The following P3H3 variants were observed in gnomAD, a reference collection of about 807,000 sequenced individuals.
P3H3 encodes prolyl 3-hydroxylase 3.
Under a neutral mutation model 78.1 loss-of-function variants are expected in P3H3, and 64 were observed. The observed-to-expected ratio is 0.82, with a 90% CI of 0.67 to 1.01. The LOEUF (loss-of-function observed/expected upper bound fraction) is 1.01, where lower values mean the gene tolerates loss of function less well. Among genes scored for constraint, P3H3 ranks in the 50% least tolerant of loss-of-function variants. The pLI, the probability that P3H3 is intolerant of heterozygous loss-of-function variation, is 0.00. For missense variants in P3H3, 975 were observed against 982.2 expected (o/e 0.99, Z 0.10); for synonymous variants, 425 against 416.7 (o/e 1.02, Z -0.24).
Position 6,829,416 on chromosome 12 carries a change from G to A in P3H3, c.499-443G>A. ...GACCTCTGCGGGCGGGGAGGGGACAGCACGCCGCAGCCGCCGGTACCGCAG... is the reference window on the plus strand; with the variant it reads ...GACCTCTGCGGGCGGGGAGGGGACAACACGCCGCAGCCGCCGGTACCGCAG... On this transcript the variant is annotated intron_variant, in intron 1 of 14. Coordinates refer to ENST00000290510, the MANE Select transcript of P3H3 (RefSeq NM_014262.5). This position sits in a 1 kb window ranked among gnomAD's most constrained non-coding sequence, Gnocchi z 5.1. 1 of 243,470 alleles carries A rather than the reference G, an allele frequency of 4.1e-6. No individual in the cohort carries two copies. Among genetic ancestry groups the A allele is most frequent in the Non-Finnish European group, 8.0e-6 (1 of 125,538 alleles). 15.1% of individuals were successfully genotyped at this position (243,470 alleles called of 1,614,324 possible).
intron 4 of P3H3, 157 bp downstream of exon 4, chr12:6,830,927 C>A: frequency 9.0e-7 from 1 of 1,112,230 alleles, no homozygotes; most frequent in Non-Finnish European, 1.3e-6. Flanking sequence ...ATTTGCCCTC[C>A]TTTGGCGCCT....
chr12:6,830,683 G>A lies in P3H3; in HGVS notation c.898G>A (p.Glu300Lys). ...GCAGTGCCGGCAACGCTGTGTGGGG[G>A]AAACAGCCACACGCCCTGGTCGCAG... is the stretch of plus-strand genomic sequence containing the variant. ...VLQCRQRCVG[E>K]TATRPGRSFP... The change falls in exon 4 of 15, where the codon GAA becomes AAA. Residue 300 changes from glutamate (E) to lysine (K), a missense_variant. Physicochemically the swap from Glu to Lys is moderately conservative, Grantham distance 56. Transcript: ENST00000290510. The A allele has an allele frequency of 1.9e-6, 3 of 1,613,592 alleles. No homozygotes were observed. The highest frequency in any genetic ancestry group is 1.1e-5 in the South Asian group (1 of 91,030).
rs1943505106 is a variant in P3H3 at position 6,837,042 on chromosome 12, C to A, written c.1516C>A (p.Pro506Thr). ...TCGTGGTCGCCGCTCCCCTCACACC[C>A]CCCATGAACGCTTCGAGGGGCTCAC... ...GYRGRRSPHT[P>T]HERFEGLTVL... Residue 506 changes from proline to threonine, a missense_variant, in exon 10 of 15, where the codon CCC (proline) becomes ACC (threonine). By Grantham distance (38) the Pro-to-Thr change is conservative. Transcript: ENST00000290510. 3 of 1,608,140 alleles carry A rather than the reference C, an allele frequency of 1.9e-6. No homozygotes were observed. The South Asian group carries it at 3.3e-5, about 18-fold the overall frequency.
Position 6,839,625 on chromosome 12 carries a change from G to C in P3H3, c.*164G>C. ...GGACCTACAAGGGCCTGGACTCAGA[G>C]GACAGTGCACAGGCTAGCCTGGAGC... is the stretch of plus-strand genomic sequence containing the variant. On this transcript the variant is annotated 3_prime_UTR_variant, in exon 15 of 15. Coordinates refer to ENST00000290510, the MANE Select transcript of P3H3 (RefSeq NM_014262.5). 1.1e-6 allele frequency: 1 copy of C among 918,968 alleles called. No homozygotes were observed. Among genetic ancestry groups the C allele is most frequent in the Non-Finnish European group, 1.6e-6 (1 of 627,830 alleles). 56.9% of individuals were successfully genotyped at this position (918,968 alleles called of 1,614,324 possible).
rs1555121472 is a variant in P3H3, at chr12:6,831,779, C to G, written c.1123-46C>G. ...GCAGTGCCCTAGAGCCGGCGCTTCCCTGCCTTCCTCCAGCTACCCCTCACT... is the reference window on the plus strand; with the variant it reads ...GCAGTGCCCTAGAGCCGGCGCTTCCGTGCCTTCCTCCAGCTACCCCTCACT... On this transcript the variant is annotated intron_variant, in intron 5 of 14. Transcript: ENST00000290510. This position sits in a 1 kb window ranked among gnomAD's most constrained non-coding sequence, Gnocchi z 4.6. The G allele has an allele frequency of 7.8e-7, 1 of 1,278,970 alleles. No homozygotes were observed. The highest frequency in any genetic ancestry group is 1.5e-5 in the African/African-American group (1 of 68,350). 79.2% of individuals were successfully genotyped at this position (1,278,970 alleles called of 1,614,324 possible).
chr12:6,837,665 C>T (rs1943513298), intron 11 of P3H3, 67 bp from the exon 12 acceptor site: 1 of 1,583,312 alleles, frequency 6.3e-7, no homozygotes, highest in South Asian at 1.1e-5. Flanking sequence ...CGTGCACGGC[C>T]TGAGCCCACA....
Position 6,828,436 on chromosome 12 carries a change from A to G in P3H3, c.-5A>G. On this transcript the variant is annotated 5_prime_UTR_variant, in exon 1 of 15. Transcript: ENST00000290510. ...TTCCCCTCGGCTGCCGGCGGCTCCG[A>G]CATCATGCTCCGGCTCCTCCGGCCG... 1.5e-6 allele frequency: 1 copy of G among 659,592 alleles called. No homozygotes were observed. Among genetic ancestry groups the G allele is most frequent in the Non-Finnish European group, 2.3e-6 (1 of 432,408 alleles). The allele number at this position is 659,592 out of a possible 1,614,324, so 40.9% of individuals were successfully genotyped here.
At position 6,831,186 on chromosome 12, in the gene P3H3, C is replaced by A. The variant is rs369848898; in HGVS notation, c.986-30C>A. 7 of 1,613,450 alleles carry A rather than the reference C, an allele frequency of 4.3e-6. No individual in the cohort carries two copies. The African/African-American group carries it at 9.4e-5, about 22-fold the overall frequency. On this transcript the variant is annotated intron_variant, in intron 4 of 14. Transcript: ENST00000290510. The surrounding 1 kb of genome is among the most constrained non-coding windows in gnomAD (Gnocchi z 4.6). ...CAATGTGCTCTAAGTATTCATCCCC[C>A]AACCCCTGACCTTGTCGCTCCCTCT...
In P3H3 at chr12:6,839,747, G is replaced by A. The variant is rs782362566; in HGVS notation, c.*286G>A. ...TGCCTCCCTGAACAGAAATGGCAGG[G>A]GAGGAGGCTGATGCTTTAAATGAAG... On this transcript the variant is annotated 3_prime_UTR_variant, in exon 15 of 15. Transcript: ENST00000290510. 2.1e-5 allele frequency: 9 copies of A among 421,380 alleles called. No homozygotes were observed. The highest frequency in any genetic ancestry group is 1.7e-4 in the African/African-American group (9 of 51,464). 26.1% of individuals were successfully genotyped at this position (421,380 alleles called of 1,614,324 possible).
Position 6,834,167 on chromosome 12 carries a change from G to A in P3H3, c.1458+118G>A, listed in dbSNP as rs1943475073. On this transcript the variant is annotated intron_variant, in intron 9 of 14. Coordinates refer to ENST00000290510, the MANE Select transcript of P3H3 (RefSeq NM_014262.5). ...GTCCTGATTATCCAACCGGGACTGTGCTTACCACTGCCTCTCAGCTGTGGA... is the reference window on the plus strand; with the variant it reads ...GTCCTGATTATCCAACCGGGACTGTACTTACCACTGCCTCTCAGCTGTGGA... The A allele has an allele frequency of 2.1e-6, 3 of 1,443,372 alleles. No homozygotes were observed. In the African/African-American group the frequency reaches 4.2e-5, roughly 20 times the overall value. 89.4% of individuals were successfully genotyped at this position (1,443,372 alleles called of 1,614,324 possible).
chr12:6,828,782 T>G lies in P3H3; in HGVS notation c.342T>G (p.Leu114=), dbSNP rs782210168. The G allele has an allele frequency of 3.2e-6, 4 of 1,241,698 alleles. No individual in the cohort carries two copies. Among genetic ancestry groups the G allele is most frequent in the Non-Finnish European group, 4.0e-6 (4 of 992,724 alleles). 76.9% of individuals were successfully genotyped at this position (1,241,698 alleles called of 1,614,324 possible). ...GPTQGSWERQ[L]LRAALRRADC... Reference sequence around the variant, plus strand: ...CGCAGGGGTCCTGGGAGCGACAGCTTCTCCGTGCAGCGCTCCGCCGCGCAG... The same window carrying G: ...CGCAGGGGTCCTGGGAGCGACAGCTGCTCCGTGCAGCGCTCCGCCGCGCAG... Residue 114 remains leucine, a synonymous_variant, in exon 1 of 15, where the codon CTT becomes CTG. Coordinates refer to ENST00000290510, the MANE Select transcript of P3H3 (RefSeq NM_014262.5).
rs186309734 is a variant in P3H3, at chr12:6,833,106, C to T, written c.1213-486C>T. ...AGGAGAATCGCTTGAACCCAGGAGG[C>T]GGAGGTTGCAGTGAGCTGAGATCGC... On this transcript the variant is annotated intron_variant, in intron 6 of 14. Coordinates refer to ENST00000290510, the MANE Select transcript of P3H3 (RefSeq NM_014262.5). 1.9e-3 allele frequency among the ~76,000 whole-genome samples: 285 copies of T among 151,934 alleles called. 3 individuals carry two copies. The highest frequency in any genetic ancestry group is 5.5e-3 in the Admixed American group (84 of 15,280).
chr12:6,837,371 C>A, intron 10 of P3H3, 52 bp from the exon 11 acceptor site: 1 of 1,569,134 alleles, frequency 6.4e-7, no homozygotes, highest in African/African-American at 1.4e-5. Context: ...AGGGCCGAGA[C>A]CACCCTCCCC....
chr12:6,839,217 A>G lies in P3H3; in HGVS notation c.2046+77A>G. 3.2e-6 allele frequency: 5 copies of G among 1,569,202 alleles called. No homozygotes were observed. In the Middle Eastern group the frequency reaches 8.4e-4, roughly 265 times the overall value. Reference sequence around the variant, plus strand: ...GCAAGGAGCCCCCGAGAAGGCTCACAGTCGGTGAGGGTCAGGGGCTGAGCT... The same window carrying G: ...GCAAGGAGCCCCCGAGAAGGCTCACGGTCGGTGAGGGTCAGGGGCTGAGCT... On this transcript the variant is annotated intron_variant, in intron 14 of 14. Coordinates refer to ENST00000290510, the MANE Select transcript of P3H3 (RefSeq NM_014262.5).
intron 13 of P3H3, among the ~76,000 whole-genome samples, chr12:6,838,455 G>A (rs930291249): frequency 4.6e-5 from 7 of 152,220 alleles, no homozygotes; most frequent in Non-Finnish European, 7.4e-5. Flanking sequence ...ATAATAGTAC[G>A]TATTTTAAAG....
intron 6 of P3H3, among the ~76,000 whole-genome samples, chr12:6,833,184 AAAAAC>A (rs1943466228): frequency 6.6e-6 from 1 of 152,150 alleles, no homozygotes; most frequent in Admixed American, 6.5e-5. Flanking sequence ...CAAAAAAACA[AAAAAC>A]AAAAAACAAC....
chr12:6,829,747 G>GCT lies in P3H3; in HGVS notation c.499-109_499-108dup. ...TTCTGATTGGCCAGTCTTCCATGAG[G>GCT]CTCTGGGGCACCCAGAGTGTGTGTC... On this transcript the variant is annotated intron_variant, in intron 1 of 14. Coordinates refer to ENST00000290510, the MANE Select transcript of P3H3 (RefSeq NM_014262.5). The surrounding 1 kb of genome is among the most constrained non-coding windows in gnomAD (Gnocchi z 5.1). 8.7e-7 allele frequency: 1 copy of GCT among 1,150,668 alleles called. No homozygotes were observed. Among genetic ancestry groups the GCT allele is most frequent in the South Asian group, 1.3e-5 (1 of 78,134 alleles). The allele number at this position is 1,150,668 out of a possible 1,614,324, so 71.3% of individuals were successfully genotyped here.
intron 13 of P3H3, 131 bp from the exon 14 acceptor site, chr12:6,838,869 T>G: frequency 1.5e-6 from 1 of 682,286 alleles, no homozygotes; most frequent in South Asian, 3.7e-5. Context: ...GTCCCTGAAT[T>G]AAGGAGTAGG....
intron 4 of P3H3, 195 bp downstream of exon 4, chr12:6,830,965 T>C: frequency 2.3e-6 from 2 of 866,396 alleles, no homozygotes; most frequent in Non-Finnish European, 3.8e-6. Flanking sequence ...TGGGCTTCCT[T>C]CTGCCTTGCT....
Sources: allele counts gnomAD v4.1 joint callset (sites outside exome capture counted in the v4.1 genomes callset), GRCh38; gene constraint gnomAD v4.1.1; non-coding constraint Gnocchi (gnomAD v3.1); transcripts MANE v1.5; gene names NCBI Gene and HGNC (gene_info 2026-07-23, HGNC 2026-07-21).